Variants in SDK1 observed in about 807,000 individuals in gnomAD.
SDK1 encodes the protein sidekick cell adhesion molecule 1.
Under a neutral mutation model 245.5 loss-of-function variants are expected in SDK1, and 157 were observed. That is an observed-to-expected ratio of 0.64 (90% confidence interval 0.56 to 0.73). The LOEUF (loss-of-function observed/expected upper bound fraction) is 0.73, where lower values mean the gene tolerates loss of function less well. Ranked by LOEUF, SDK1 falls within the 30% of genes least tolerant of loss-of-function variation. SDK1 has a pLI of 0.00. For synonymous variants in SDK1, 1,647 were observed against 1,278.5 expected, an observed-to-expected ratio of 1.29 and a Z score of -6.15; for missense variants, 3,583 against 3,002.3, an observed-to-expected ratio of 1.19 and a Z score of -4.52.
In SDK1 at chr7:3,378,821, C is replaced by A. The variant is rs375033591; in HGVS notation, c.298+76937C>A. ...TCTGCTGCCCTGCTCGCTGGGGGGC[C>A]GGCGGGGTGGGCTTCTGCTCCACGG... On this transcript the variant is annotated intron_variant, in intron 1 of 44. Coordinates refer to ENST00000404826, the MANE Select transcript of SDK1 (RefSeq NM_152744.4). Among the ~76,000 whole-genome samples, 31 of 131,842 alleles carry A rather than the reference C, an allele frequency of 2.4e-4. 3 individuals are homozygous for A. The highest frequency in any genetic ancestry group is 6.6e-4 in the African/African-American group (21 of 31,968). 86.5% of individuals were successfully genotyped at this position (131,842 alleles called of 152,430 possible).
At chr7:4,088,421 A>T (rs1781562911) in intron 22 of SDK1, among the ~76,000 whole-genome samples, 1 of 152,080 alleles carries the variant, frequency 6.6e-6, no homozygotes, top group African/African-American at 2.4e-5. Context: ...TTGTTTTGTC[A>T]CTCTAAAGAA....
intron 1 of SDK1, among the ~76,000 whole-genome samples, chr7:3,320,152 C>G (rs1207381036): frequency 1.3e-5 from 2 of 151,990 alleles, no homozygotes; most frequent in Admixed American, 6.6e-5. Flanking sequence ...CACACGCACT[C>G]CCCTCTCATT....
chr7:3,775,545 A>G (rs886493602), intron 4 of SDK1, among the ~76,000 whole-genome samples: 4 of 148,240 alleles, frequency 2.7e-5, no homozygotes, highest in Non-Finnish European at 6.0e-5. Flanking sequence ...CTTTCATAAC[A>G]TTTTTATTTA....
chr7:3,330,007 G>C (rs1780029689), intron 1 of SDK1, among the ~76,000 whole-genome samples: 1 of 152,134 alleles, frequency 6.6e-6, no homozygotes, highest in South Asian at 2.1e-4. Context: ...AATCCGCTAT[G>C]GATACCAAGT....
At chr7:3,589,841 A>C (rs78588579) in intron 1 of SDK1, among the ~76,000 whole-genome samples, 2 of 152,232 alleles carry the variant, frequency 1.3e-5, no homozygotes, top group Non-Finnish European at 2.9e-5. Context: ...GACAAACCAT[A>C]TCAGAAGACA....
intron 1 of SDK1, among the ~76,000 whole-genome samples, chr7:3,615,857 C>A (rs1299307132): frequency 2.1e-5 from 3 of 143,498 alleles, no homozygotes; most frequent in Non-Finnish European, 4.8e-5. Flanking sequence ...ATCACACAAC[C>A]TCTTCAAAGG....
intron 35 of SDK1, among the ~76,000 whole-genome samples, chr7:4,194,300 G>A (rs1358376460): frequency 1.0e-5 from 1 of 98,870 alleles, no homozygotes; most frequent in Non-Finnish European, 2.2e-5. Flanking sequence ...GCACGTATGT[G>A]TATACATGTA....
At chr7:3,564,776 C>T (rs983214887) in intron 1 of SDK1, among the ~76,000 whole-genome samples, 1 of 152,072 alleles carries the variant, frequency 6.6e-6, no homozygotes, top group African/African-American at 2.4e-5. Flanking sequence ...TTCTACTAAA[C>T]TTTAGAAAGT....
intron 1 of SDK1, among the ~76,000 whole-genome samples, chr7:3,366,108 G>C (rs765654998): frequency 2.7e-5 from 4 of 150,664 alleles, no homozygotes; most frequent in Non-Finnish European, 5.9e-5. Context: ...TGTTAATAGT[G>C]GTTTATTTCT....
At chr7:3,408,202 C>G (rs1287876906) in intron 1 of SDK1, among the ~76,000 whole-genome samples, 1 of 151,796 alleles carries the variant, frequency 6.6e-6, no homozygotes, top group Admixed American at 6.6e-5. Context: ...CATGCCTGGC[C>G]AATTTTTTTT....
intron 19 of SDK1, among the ~76,000 whole-genome samples, chr7:4,060,954 A>G (rs1204520285): frequency 1.3e-5 from 2 of 151,760 alleles, no homozygotes; most frequent in South Asian, 2.1e-4. Context: ...ATAGTTGTAG[A>G]TATGTGGTGT....
chr7:3,731,059 C>G (rs1779161579), intron 4 of SDK1, among the ~76,000 whole-genome samples: 1 of 152,186 alleles, frequency 6.6e-6, no homozygotes, highest in South Asian at 2.1e-4. Flanking sequence ...AATTTAGTGA[C>G]TTCAAAGAAT....
chr7:3,742,012 A>ATATATG (rs1554256842), intron 4 of SDK1, among the ~76,000 whole-genome samples: 2 of 145,286 alleles, frequency 1.4e-5, no homozygotes, highest in African/African-American at 2.5e-5. Context: ...ATATATATAT[A>ATATATG]TGCTGTATTT....
At position 3,705,249 on chromosome 7, in the gene SDK1, A is replaced by G. The variant is rs114074388; in HGVS notation, c.713+63144A>G. On this transcript the variant is annotated intron_variant, in intron 4 of 44. Coordinates refer to ENST00000404826, the MANE Select transcript of SDK1 (RefSeq NM_152744.4). The stretch of plus-strand genomic sequence containing the variant: ...AAATGATATAGGTATTTTGATAGGA[A>G]TTGCATGCAATCTGTAGATTGTTTT... Among the ~76,000 whole-genome samples, 621 of 151,988 alleles carry G rather than the reference A, an allele frequency of 4.1e-3. 4 individuals are homozygous for G. Among genetic ancestry groups the G allele is most frequent in the African/African-American group, 0.014 (598 of 41,498 alleles).
intron 14 of SDK1, among the ~76,000 whole-genome samples, chr7:3,990,222 A>C (rs1450004334): frequency 6.6e-6 from 1 of 152,208 alleles, no homozygotes; most frequent in Admixed American, 6.5e-5. Flanking sequence ...TTCTAAGGTT[A>C]CACCTTCCAG....
intron 2 of SDK1, among the ~76,000 whole-genome samples, chr7:3,624,422 C>G (rs914252749): frequency 6.6e-6 from 1 of 152,074 alleles, no homozygotes; most frequent in East Asian, 1.9e-4. Context: ...TGGTCTCAAA[C>G]TCCTGGCCTC....
chr7:3,382,021 C>T (rs1781500915), intron 1 of SDK1, among the ~76,000 whole-genome samples: 1 of 152,148 alleles, frequency 6.6e-6, no homozygotes, highest in African/African-American at 2.4e-5. Context: ...TATTGATGCC[C>T]TACTCTGTCT....
At position 3,601,272 on chromosome 7, in the gene SDK1, G is replaced by A. The variant is rs142474080; in HGVS notation, c.299-17808G>A. Among the ~76,000 whole-genome samples, 398 of 152,158 alleles carry A rather than the reference G, an allele frequency of 2.6e-3. 2 individuals carry two copies. The highest frequency in any genetic ancestry group is 9.0e-3 in the African/African-American group (373 of 41,524). On this transcript the variant is annotated intron_variant, in intron 1 of 44. Transcript: ENST00000404826. ...ATGTTTCTTTCTCTACTGTTTTCTG[G>A]ACAAAATTATGTACATTGGTGTTGA...
At chr7:3,937,841 C>CT (rs1260657188) in intron 5 of SDK1, among the ~76,000 whole-genome samples, 39 of 150,198 alleles carry the variant, frequency 2.6e-4, no homozygotes, top group African/African-American at 6.3e-4. Flanking sequence ...AAGAGCATTT[C>CT]TTTTTTTTTT....
Sources: allele counts gnomAD v4.1 joint callset (sites outside exome capture counted in the v4.1 genomes callset), GRCh38; gene constraint gnomAD v4.1.1; transcripts MANE v1.5; gene names NCBI Gene and HGNC (gene_info 2026-07-23, HGNC 2026-07-21).